The following HK1 variants were observed in gnomAD, a reference collection of about 807,000 sequenced individuals.
The protein encoded by HK1 is hexokinase 1.
Under a neutral mutation model 91.6 loss-of-function variants are expected in HK1, and 28 were observed. The observed-to-expected ratio is 0.31, with a 90% CI of 0.23 to 0.42. The LOEUF (loss-of-function observed/expected upper bound fraction) is 0.42. Among genes scored for constraint, HK1 ranks in the 10% least tolerant of loss-of-function variants. HK1 has a pLI of 1.00. For synonymous variants in HK1, 430 were observed against 468.1 expected (o/e 0.92, Z 1.05); for missense variants, 770 against 1,219.8 (o/e 0.63, Z 5.49).
intron 2 of HK1, among the ~76,000 whole-genome samples, chr10:69,347,918 G>A (rs1363056671): frequency 6.6e-6 from 1 of 152,120 alleles, no homozygotes; most frequent in Non-Finnish European, 1.5e-5. Flanking sequence ...AGGGCCTTTA[G>A]TTCAAAATAC....
chr10:69,328,469 A>G (rs1411877169), intron 1 of HK1, among the ~76,000 whole-genome samples: 1 of 152,138 alleles, frequency 6.6e-6, no homozygotes, highest in Admixed American at 6.5e-5. Context: ...TGTTGTATTC[A>G]TTGCCATGTA....
At chr10:69,300,802 C>T (rs998559605) in exon 5 of HK1, 1 of 1,610,260 alleles carries the variant, frequency 6.2e-7, no homozygotes, top group East Asian at 2.2e-5. Context: ...TCAGCCAGGA[C>T]ATTAATGTGC....
At chr10:69,293,988 A>G (rs1255635357) in intron 3 of HK1, among the ~76,000 whole-genome samples, 1 of 150,356 alleles carries the variant, frequency 6.7e-6, no homozygotes, top group Non-Finnish European at 1.5e-5. Context: ...CAGCCTCCCG[A>G]GTAGCTGGGA....
chr10:69,300,712 A>T (rs147756930), intron 4 of HK1: 2 of 998,452 alleles, frequency 2.0e-6, no homozygotes, highest in Middle Eastern at 2.2e-4. Flanking sequence ...ACAGTGAGAA[A>T]CCAGACGATG....
chr10:69,299,730 C>T (rs1239014382), intron 4 of HK1, among the ~76,000 whole-genome samples: 3 of 150,718 alleles, frequency 2.0e-5, no homozygotes, highest in African/African-American at 4.9e-5. Flanking sequence ...GGCGCAATCT[C>T]GGCTCACTGC....
At chr10:69,274,599 A>AC (rs945109503) in intron 1 of HK1, among the ~76,000 whole-genome samples, 7 of 151,824 alleles carry the variant, frequency 4.6e-5, no homozygotes, top group Non-Finnish European at 8.8e-5. Flanking sequence ...CAAAAAAAAA[A>AC]AAAACAGTTT....
chr10:69,287,562 CACAG>C (rs1457840296), intron 2 of HK1, among the ~76,000 whole-genome samples: 5 of 152,144 alleles, frequency 3.3e-5, no homozygotes, highest in Non-Finnish European at 5.9e-5. Flanking sequence ...AAGGCAAATT[CACAG>C]ACACAGAAAG....
At chr10:69,385,620 C>T (rs949743091) in intron 12 of HK1, among the ~76,000 whole-genome samples, 1 of 152,170 alleles carries the variant, frequency 6.6e-6, no homozygotes, top group African/African-American at 2.4e-5. Flanking sequence ...GAGACGTGAC[C>T]AGGCAGGAGT....
At chr10:69,346,610 G>C (rs942627718) in intron 2 of HK1, among the ~76,000 whole-genome samples, 1 of 151,476 alleles carries the variant, frequency 6.6e-6, no homozygotes, top group Admixed American at 6.6e-5. Context: ...AGGCTCAGGC[G>C]ATCCTCCCAC....
chr10:69,279,375 T>C (rs1844626087), intron 1 of HK1, among the ~76,000 whole-genome samples: 1 of 152,250 alleles, frequency 6.6e-6, no homozygotes, highest in African/African-American at 2.4e-5. Context: ...ATTGGGTCTT[T>C]TGTTAGCACA....
intron 1 of HK1, among the ~76,000 whole-genome samples, chr10:69,333,761 C>G (rs188465278): frequency 3.8e-4 from 58 of 152,246 alleles, no homozygotes; most frequent in Admixed American, 2.4e-3. Flanking sequence ...GAGCTTAGAG[C>G]ACCCAGCGTG....
At chr10:69,388,506 ATTC>A (rs1240859674) in intron 13 of HK1, among the ~76,000 whole-genome samples, 1 of 152,010 alleles carries the variant, frequency 6.6e-6, no homozygotes, top group Admixed American at 6.5e-5. Context: ...ATTAGTGTTA[ATTC>A]TTCTAGCTTG....
intron 7 of HK1, 22 bp from the exon 8 acceptor site, chr10:69,376,912 G>A (rs1468482125): frequency 6.2e-7 from 1 of 1,613,982 alleles, no homozygotes; most frequent in Non-Finnish European, 8.5e-7. Context: ...GCTGACAAGT[G>A]CCGGTGTGCC....
intron 3 of HK1, 103 bp downstream of exon 3, chr10:69,360,148 G>A (rs1849344125): frequency 5.1e-6 from 6 of 1,177,906 alleles, no homozygotes; most frequent in Non-Finnish European, 7.6e-6. Flanking sequence ...CCCTGGAAGA[G>A]GGTTGCTGGA....
At chr10:69,370,654 ACATG>A (rs1849950493) in intron 7 of HK1, among the ~76,000 whole-genome samples, 1 of 152,200 alleles carries the variant, frequency 6.6e-6, no homozygotes, top group South Asian at 2.1e-4. Flanking sequence ...GGTAGGGCAG[ACATG>A]CAAATATCTG....
intron 1 of HK1, among the ~76,000 whole-genome samples, chr10:69,277,798 C>T (rs753035198): frequency 2.6e-5 from 4 of 151,832 alleles, no homozygotes; most frequent in Non-Finnish European, 5.9e-5. Flanking sequence ...TTTGGGAGGC[C>T]GACACAGGCA....
At chr10:69,326,241 A>G (rs1205463204) in intron 1 of HK1, among the ~76,000 whole-genome samples, 1 of 152,010 alleles carries the variant, frequency 6.6e-6, no homozygotes, top group Non-Finnish European at 1.5e-5. Context: ...TACACTATAA[A>G]TGTTTCTGCA....
At chr10:69,293,845 A>G (rs1031732374) in intron 3 of HK1, among the ~76,000 whole-genome samples, 26 of 146,902 alleles carry the variant, frequency 1.8e-4, no homozygotes, top group African/African-American at 6.6e-4. Flanking sequence ...AAGCACAAGC[A>G]TATTTCTTTC....
intron 1 of HK1, among the ~76,000 whole-genome samples, chr10:69,324,754 C>T (rs934754283): frequency 3.3e-5 from 5 of 152,142 alleles, no homozygotes. Context: ...CAGGAAGCTG[C>T]TCCCATCCCC....
Sources: gnomAD v4.1 joint callset for allele counts (sites outside exome capture counted in the v4.1 genomes callset) on GRCh38, gnomAD v4.1.1 for gene constraint, MANE v1.5 for transcripts, NCBI Gene and HGNC (gene_info 2026-07-23, HGNC 2026-07-21) for gene names.